Variants in VAMP3 observed in about 807,000 individuals in gnomAD.
VAMP3 encodes the protein vesicle associated membrane protein 3, also known as vesicle-associated membrane protein 3.
VAMP3 carries 11 observed loss-of-function variants against 18.1 expected under a neutral mutation model. The observed-to-expected ratio is 0.61, with a 90% CI of 0.38 to 1.00. The LOEUF (loss-of-function observed/expected upper bound fraction) is 1.00, where lower values mean the gene tolerates loss of function less well. VAMP3 is among the 50% of genes least tolerant of loss of function. The pLI is 0.01. For synonymous variants in VAMP3, 49 were observed against 43.1 expected (o/e 1.14, Z -0.53); for missense variants, 122 against 127.3 (o/e 0.96, Z 0.20).
In VAMP3 at chr1:7,771,346, CCTCT is replaced by C; in HGVS notation, c.-34_-31del. On this transcript the variant is annotated 5_prime_UTR_variant, in exon 1 of 5. Transcript: ENST00000054666. ...GTCCCAACTTCGCTTCTCTGCTGAC[CCTCT>C]CTCGTCGCCGCTGCCGCCGCCGCAG... is the stretch of plus-strand genomic sequence containing the variant. 3 of 1,593,518 alleles carry C rather than the reference CCTCT, an allele frequency of 1.9e-6. No individual in the cohort carries two copies. The highest frequency in any genetic ancestry group is 1.7e-4 in the Middle Eastern group (1 of 6,004).
chr1:7,780,169 C>G lies in VAMP3; in HGVS notation c.*524C>G, dbSNP rs2097056365. On this transcript the variant is annotated 3_prime_UTR_variant, in exon 5 of 5. Transcript: ENST00000054666. Reference sequence around the variant, plus strand: ...ACTGACTCTCGCTGTATTTAAGATGCTGGTGAAGAGCTTTTGCTCTTGCAT... The same window carrying G: ...ACTGACTCTCGCTGTATTTAAGATGGTGGTGAAGAGCTTTTGCTCTTGCAT... 6.5e-6 allele frequency: 1 copy of G among 153,328 alleles called. No homozygotes were observed. The highest frequency in any genetic ancestry group is 2.1e-4 in the South Asian group (1 of 4,846). 9.5% of individuals were successfully genotyped at this position (153,328 alleles called of 1,614,324 possible).
rs1048773 is a variant in VAMP3 at position 7,781,230 on chromosome 1, G to T, written c.*1585G>T. On this transcript the variant is annotated 3_prime_UTR_variant, in exon 5 of 5. Coordinates refer to ENST00000054666, the MANE Select transcript of VAMP3 (RefSeq NM_004781.4). ...CTGTGAGGAGAAAGCAGCTGGCAGT[G>T]TTAGGACATTAGTCCACCTTCAGCG... is the stretch of plus-strand genomic sequence containing the variant. The T allele has an allele frequency of 0.036, 5,460 of 152,954 alleles. 123 individuals carry two copies. Among genetic ancestry groups the T allele is most frequent in the Non-Finnish European group, 0.053 (3,625 of 68,066 alleles). The allele number at this position is 152,954 out of a possible 1,614,324, so 9.5% of individuals were successfully genotyped here.
rs1194397548 is a variant in VAMP3, at chr1:7,777,338, C to T, written c.231+20C>T. The T allele has an allele frequency of 6.2e-7, 1 of 1,600,228 alleles. No homozygotes were observed. Among genetic ancestry groups the T allele is most frequent in the Admixed American group, 1.7e-5 (1 of 58,884 alleles). ...TGCAAGGTAATTATCTTTTAACTGA[C>T]CTTTACATTTAACCCCCCTTCTCCA... On this transcript the variant is annotated intron_variant, in intron 3 of 4. Coordinates refer to ENST00000054666, the MANE Select transcript of VAMP3 (RefSeq NM_004781.4).
At chr1:7,775,329 ATTTT>A (rs548677875) in intron 2 of VAMP3, among the ~76,000 whole-genome samples, 1 of 151,032 alleles carries the variant, frequency 6.6e-6, no homozygotes, top group Non-Finnish European at 1.5e-5. Context: ...TGTCTTTTAC[ATTTT>A]TTTTATTTTT....
chr1:7,776,003 T>C (rs905530152), intron 2 of VAMP3, among the ~76,000 whole-genome samples: 4 of 152,330 alleles, frequency 2.6e-5, no homozygotes, highest in African/African-American at 7.2e-5. Context: ...ACTTCTAGAC[T>C]CTCAGTTCTA....
chr1:7,773,080 A>G (rs976968069), intron 1 of VAMP3: 1 of 186,208 alleles, frequency 5.4e-6, no homozygotes, highest in South Asian at 1.6e-4. Flanking sequence ...AGTTCCTTCC[A>G]CAATGAAAAG....
rs1257497562 is a variant in VAMP3 at position 7,773,485 on chromosome 1, C to T, written c.46C>T (p.Gln16Ter). 1 of 1,613,950 alleles carries T rather than the reference C, an allele frequency of 6.2e-7. No homozygotes were observed. Among genetic ancestry groups the T allele is most frequent in the Admixed American group, 1.7e-5 (1 of 59,976 alleles). The change falls in exon 2 of 5, where the codon CAG becomes TAG. Residue 16 changes from glutamine to a stop codon, truncating the protein, a stop_gained. Coordinates refer to ENST00000054666, the MANE Select transcript of VAMP3 (RefSeq NM_004781.4). LOFTEE classifies it high-confidence loss of function. ...TGCCACTGGCAGTAATCGAAGACTT[C>T]AGCAGACACAAAATCAAGTAGATGA... is the stretch of plus-strand genomic sequence containing the variant. ...TAATGSNRRL[Q>*]QTQNQVDEVV...
rs1577566780 is a variant in VAMP3 at position 7,779,466 on chromosome 1, T to C, written c.284-160T>C. 2.6e-5 allele frequency among the ~76,000 whole-genome samples: 4 copies of C among 152,322 alleles called. No individual in the cohort carries two copies. The South Asian group carries it at 8.3e-4, about 32-fold the overall frequency. On this transcript the variant is annotated intron_variant, in intron 4 of 4. Coordinates refer to ENST00000054666, the MANE Select transcript of VAMP3 (RefSeq NM_004781.4). ...ATCCTTTTGACTCTAGTCTCCTTCC[T>C]CTAGCCCTCTATAGAATGGAGAGAA...
intron 4 of VAMP3, among the ~76,000 whole-genome samples, 172 bp downstream of exon 4, chr1:7,778,341 C>A (rs2097055355): frequency 6.6e-6 from 1 of 152,022 alleles, no homozygotes; most frequent in Non-Finnish European, 1.5e-5. Flanking sequence ...GAGTTTGAGA[C>A]CAGCCTGGGC....
intron 1 of VAMP3, among the ~76,000 whole-genome samples, chr1:7,771,644 C>T (rs1268688138): frequency 3.9e-5 from 6 of 152,202 alleles, no homozygotes; most frequent in Non-Finnish European, 1.5e-5. Flanking sequence ...GTGAGCTGCC[C>T]GCCCGCAGCC....
rs1271816732 is a variant in VAMP3, at chr1:7,779,869, G to A, written c.*224G>A. 1 of 565,040 alleles carries A rather than the reference G, an allele frequency of 1.8e-6. No homozygotes were observed. The highest frequency in any genetic ancestry group is 3.0e-5 in the East Asian group (1 of 32,848). 35.0% of individuals were successfully genotyped at this position (565,040 alleles called of 1,614,324 possible). On this transcript the variant is annotated 3_prime_UTR_variant, in exon 5 of 5. Transcript: ENST00000054666. ...ACAGTGCCTTTACAGATTTACGTAT[G>A]GGCTGATGAAGAGGCCTTCTTAAGT... is the stretch of plus-strand genomic sequence containing the variant.
intron 2 of VAMP3, 70 bp from the exon 3 acceptor site, chr1:7,777,090 C>T (rs2097054654): frequency 6.6e-6 from 10 of 1,524,816 alleles, no homozygotes; most frequent in East Asian, 4.6e-5. Flanking sequence ...GGATTACAGG[C>T]GTGAGCCACC....
chr1:7,778,590 G>T (rs546024855), intron 4 of VAMP3, among the ~76,000 whole-genome samples: 3 of 151,640 alleles, frequency 2.0e-5, no homozygotes, highest in Non-Finnish European at 4.4e-5. Flanking sequence ...TTTAATAAAT[G>T]TTTTAAGTAC....
At chr1:7,777,978 G>T in intron 3 of VAMP3, 140 bp from the exon 4 acceptor site, 1 of 860,926 alleles carries the variant, frequency 1.2e-6, no homozygotes. Context: ...TTTAATTTAG[G>T]CTTTAGAAAT....
rs181057810 is a variant in VAMP3, at chr1:7,780,980, A to C, written c.*1335A>C. On this transcript the variant is annotated 3_prime_UTR_variant, in exon 5 of 5. Transcript: ENST00000054666. ...GCTTAAAGATGGGAATTCAGGTATGAAAGAAAACAGGCAAGGAGGCACTGA... is the reference window on the plus strand; with the variant it reads ...GCTTAAAGATGGGAATTCAGGTATGCAAGAAAACAGGCAAGGAGGCACTGA... The C allele has an allele frequency of 6.5e-6, 1 of 152,924 alleles. No homozygotes were observed. Among genetic ancestry groups the C allele is most frequent in the Admixed American group, 6.5e-5 (1 of 15,310 alleles). 9.5% of individuals were successfully genotyped at this position (152,924 alleles called of 1,614,324 possible). A position where few individuals can be genotyped will look rare whatever the true frequency, so the allele number is the denominator to read the frequency against.
At chr1:7,774,657 A>G (rs910044579) in intron 2 of VAMP3, among the ~76,000 whole-genome samples, 4 of 152,120 alleles carry the variant, frequency 2.6e-5, no homozygotes, top group Non-Finnish European at 4.4e-5. Flanking sequence ...GAATCATACA[A>G]TGTGTGGCCT....
chr1:7,778,371 C>T (rs927285035), intron 4 of VAMP3, among the ~76,000 whole-genome samples: 1 of 152,040 alleles, frequency 6.6e-6, no homozygotes, highest in East Asian at 1.9e-4. Flanking sequence ...TCTCTACAAA[C>T]AATTGTTAAT....
chr1:7,777,260 C>G lies in VAMP3; in HGVS notation c.173C>G (p.Ser58Cys), dbSNP rs1204553928. ...GCAGACGCACTGCAGGCAGGCGCTT[C>G]TCAATTTGAAACGAGCGCAGCCAAG... ...DRADALQAGA[S>C]QFETSAAKLK... The change falls in exon 3 of 5, where the codon TCT (serine) becomes TGT (cysteine). Residue 58 changes from serine (S) to cysteine (C), a missense_variant. Coordinates refer to ENST00000054666, the MANE Select transcript of VAMP3 (RefSeq NM_004781.4). 2 of 1,613,652 alleles carry G rather than the reference C, an allele frequency of 1.2e-6. No individual in the cohort carries two copies. Among genetic ancestry groups the G allele is most frequent in the Non-Finnish European group, 1.7e-6 (2 of 1,179,878 alleles).
At chr1:7,778,833 G>A (rs569539792) in intron 4 of VAMP3, among the ~76,000 whole-genome samples, 1 of 152,216 alleles carries the variant, frequency 6.6e-6, no homozygotes, top group South Asian at 2.1e-4. Flanking sequence ...TTCCTCATTT[G>A]TAAAATGGGG....
Sources: gnomAD v4.1 joint callset for allele counts (sites outside exome capture counted in the v4.1 genomes callset) on GRCh38, gnomAD v4.1.1 for gene constraint, MANE v1.5 for transcripts, NCBI Gene and HGNC (gene_info 2026-07-23, HGNC 2026-07-21) for gene names.